C8orf34: variants seen among roughly 807,000 people sequenced by gnomAD.
C8orf34 encodes chromosome 8 open reading frame 34, also known as uncharacterized protein C8orf34.
In C8orf34, 65 loss-of-function variants were observed where a neutral mutation model predicts 68.3. The ratio of observed to expected loss-of-function variants is 0.95; its 90% confidence interval spans 0.78 to 1.17. The LOEUF (loss-of-function observed/expected upper bound fraction) is 1.17, where lower values mean the gene tolerates loss of function less well. Ranked by LOEUF, C8orf34 falls within the 50% of genes most tolerant of loss-of-function variation. The pLI, the probability that C8orf34 is intolerant of heterozygous loss-of-function variation, is 0.00. For missense variants in C8orf34, 664 were observed against 655.4 expected, an observed-to-expected ratio of 1.01 and a Z score of -0.14; for synonymous variants, 244 against 241.2, an observed-to-expected ratio of 1.01 and a Z score of -0.11.
chr8:68,557,748 T>C (rs1208307642), intron 7 of C8orf34, among the ~76,000 whole-genome samples: 1 of 152,218 alleles, frequency 6.6e-6, no homozygotes, highest in Non-Finnish European at 1.5e-5. Context: ...ATTCTGAGAA[T>C]ATGGTGATTT....
At chr8:68,583,953 C>A (rs2130370513) in intron 7 of C8orf34, among the ~76,000 whole-genome samples, 1 of 152,040 alleles carries the variant, frequency 6.6e-6, no homozygotes, top group Non-Finnish European at 1.5e-5. Context: ...GTTATGCAAT[C>A]ACAAAAATTT....
chr8:68,780,474 T>C (rs2129528745), intron 11 of C8orf34, among the ~76,000 whole-genome samples: 1 of 152,334 alleles, frequency 6.6e-6, no homozygotes, highest in African/African-American at 2.4e-5. Context: ...GCATTTACTT[T>C]GTAATGTTTT....
chr8:68,754,242 T>A (rs1264019055), intron 10 of C8orf34, among the ~76,000 whole-genome samples: 1 of 152,204 alleles, frequency 6.6e-6, no homozygotes, highest in African/African-American at 2.4e-5. Context: ...AAACATACTG[T>A]TGACCTTAGA....
chr8:68,605,401 C>T (rs999256427), intron 7 of C8orf34, among the ~76,000 whole-genome samples: 1 of 152,124 alleles, frequency 6.6e-6, no homozygotes, highest in African/African-American at 2.4e-5. Flanking sequence ...ACACAAAAAC[C>T]TGCACATGGA....
At chr8:68,564,010 C>T (rs1303774549) in intron 7 of C8orf34, among the ~76,000 whole-genome samples, 1 of 152,086 alleles carries the variant, frequency 6.6e-6, no homozygotes, top group Non-Finnish European at 1.5e-5. Flanking sequence ...AATATCTGTA[C>T]TTTATTTAAA....
intron 10 of C8orf34, among the ~76,000 whole-genome samples, chr8:68,741,155 G>A (rs1006574093): frequency 4.6e-5 from 7 of 151,958 alleles, no homozygotes; most frequent in East Asian, 3.9e-4. Context: ...ACGAAATAAC[G>A]TGTTCGACAA....
chr8:68,471,822 A>G (rs16934642), intron 4 of C8orf34, among the ~76,000 whole-genome samples: 9,885 of 151,972 alleles, frequency 0.065, 390 homozygotes, highest in East Asian at 0.11. Context: ...ATGTTTTAGA[A>G]GTATTATTTT....
intron 7 of C8orf34, among the ~76,000 whole-genome samples, chr8:68,617,480 G>C (rs947923263): frequency 1.3e-5 from 2 of 152,170 alleles, no homozygotes; most frequent in Non-Finnish European, 2.9e-5. Flanking sequence ...GGCAGGCCTT[G>C]TGGTGACAAA....
chr8:68,459,429 C>A (rs1312955272), intron 3 of C8orf34, among the ~76,000 whole-genome samples: 3 of 152,082 alleles, frequency 2.0e-5, no homozygotes, highest in African/African-American at 7.2e-5. Context: ...GATGGGGTTT[C>A]TCCATGTTGG....
chr8:68,474,916 A>G (rs76429251), intron 4 of C8orf34, among the ~76,000 whole-genome samples: 3,828 of 152,312 alleles, frequency 0.025, 161 homozygotes, highest in African/African-American at 0.087. Flanking sequence ...TCGCTTCTCC[A>G]TTCTGCCAAT....
At chr8:68,645,532 C>T (rs1347577921) in intron 8 of C8orf34, among the ~76,000 whole-genome samples, 1 of 152,060 alleles carries the variant, frequency 6.6e-6, no homozygotes, top group Non-Finnish European at 1.5e-5. Flanking sequence ...TTCAGTGAAA[C>T]GTGTGAAGTG....
At chr8:68,620,966 G>A (rs971724641) in intron 7 of C8orf34, among the ~76,000 whole-genome samples, 5 of 152,008 alleles carry the variant, frequency 3.3e-5, no homozygotes, top group Admixed American at 2.0e-4. Context: ...GTTTATATGC[G>A]GAAATAGTGA....
intron 8 of C8orf34, among the ~76,000 whole-genome samples, chr8:68,687,559 C>T (rs1240726187): frequency 4.0e-5 from 6 of 151,838 alleles, no homozygotes; most frequent in African/African-American, 1.2e-4. Flanking sequence ...TGGCAAGCCA[C>T]GTGTAGAAGA....
chr8:68,716,903 C>A (rs1277178597), intron 9 of C8orf34, among the ~76,000 whole-genome samples: 17 of 151,712 alleles, frequency 1.1e-4, no homozygotes, highest in Non-Finnish European at 2.2e-4. Flanking sequence ...TGCCTTTCAA[C>A]TACATACAGG....
At chr8:68,689,173 G>A (rs1820614093) in intron 8 of C8orf34, among the ~76,000 whole-genome samples, 1 of 151,974 alleles carries the variant, frequency 6.6e-6, no homozygotes, top group Admixed American at 6.6e-5. Flanking sequence ...TGTTCCCAAT[G>A]TATGTGGGAG....
At chr8:68,353,026 C>T (rs553713434) in intron 1 of C8orf34, among the ~76,000 whole-genome samples, 1 of 152,092 alleles carries the variant, frequency 6.6e-6, no homozygotes, top group Admixed American at 6.6e-5. Flanking sequence ...TAACTGACAA[C>T]AATTCCTTAT....
chr8:68,506,662 G>A (rs887694533), intron 5 of C8orf34, among the ~76,000 whole-genome samples: 2 of 152,116 alleles, frequency 1.3e-5, no homozygotes, highest in Non-Finnish European at 1.5e-5. Flanking sequence ...TTGGAGGATT[G>A]TCATCACTTT....
chr8:68,509,939 G>A lies in C8orf34; in HGVS notation c.766-11860G>A, dbSNP rs186978326. On this transcript the variant is annotated intron_variant, in intron 5 of 13. Transcript: ENST00000518698. ...ATCCTATCTCCCCTGCTGTCGGTAG[G>A]CTCAAATTTCCTAGGACTCATTTAT... Among the ~76,000 whole-genome samples, 34 of 152,238 alleles carry A rather than the reference G, an allele frequency of 2.2e-4. No homozygotes were observed. The East Asian group carries it at 6.6e-3, about 30-fold the overall frequency.
chr8:68,381,895 C>T lies in C8orf34; in HGVS notation c.327+50556C>T, dbSNP rs559012842. On this transcript the variant is annotated intron_variant, in intron 1 of 13. Coordinates refer to ENST00000518698, the MANE Select transcript of C8orf34 (RefSeq NM_052958.4). Reference sequence around the variant, plus strand: ...TAATCAAGAAAAATGTAAAAGTTCTCCAGTGCTCCTTCATAGACATAACTT... The same window carrying T: ...TAATCAAGAAAAATGTAAAAGTTCTTCAGTGCTCCTTCATAGACATAACTT... Among the ~76,000 whole-genome samples the T allele has an allele frequency of 1.2e-3, 188 of 152,142 alleles. 6 individuals carry two copies. Among genetic ancestry groups the T allele is most frequent in the South Asian group, 3.3e-3 (16 of 4,822 alleles).
Sources: gnomAD v4.1 joint callset for allele counts (sites outside exome capture counted in the v4.1 genomes callset) on GRCh38, gnomAD v4.1.1 for gene constraint, MANE v1.5 for transcripts, NCBI Gene and HGNC (gene_info 2026-07-23, HGNC 2026-07-21) for gene names.